The following EXT1 variants were observed in gnomAD, a reference collection of about 807,000 sequenced individuals.
EXT1 encodes exostosin glycosyltransferase 1, also known as exostosin-1.
EXT1 carries 20 observed loss-of-function variants against 82.5 expected under a neutral mutation model. The ratio of observed to expected loss-of-function variants is 0.24; its 90% CI spans 0.17 to 0.35. The LOEUF is 0.35. Ranked by LOEUF, EXT1 falls within the 10% of genes least tolerant of loss-of-function variation. The pLI, the probability that EXT1 is intolerant of heterozygous loss-of-function variation, is 1.00. For synonymous variants in EXT1, 348 were observed against 350.8 expected (o/e 0.99, Z 0.09); for missense variants, 757 against 936.5 (o/e 0.81, Z 2.50).
chr8:117,822,711 C>G, intron 4 of EXT1, 114 bp from the exon 5 acceptor site: 22 of 1,142,854 alleles, frequency 1.9e-5, no homozygotes, highest in Non-Finnish European at 2.9e-5. Flanking sequence ...ACTCTACCCT[C>G]CCTCCCACTT....
intron 1 of EXT1, among the ~76,000 whole-genome samples, chr8:117,888,365 G>A (rs1813185214): frequency 6.6e-6 from 1 of 152,166 alleles, no homozygotes; most frequent in Non-Finnish European, 1.5e-5. Flanking sequence ...CATGGTCCTT[G>A]TGGATGGAGA....
At chr8:117,868,670 G>A in intron 1 of EXT1, among the ~76,000 whole-genome samples, 1 of 151,990 alleles carries the variant, frequency 6.6e-6, no homozygotes, top group South Asian at 2.1e-4. Context: ...GGATGGTCTT[G>A]AGGTCCTGGG....
chr8:118,047,004 C>T (rs1370609428), intron 1 of EXT1, among the ~76,000 whole-genome samples: 1 of 152,156 alleles, frequency 6.6e-6, no homozygotes, highest in Non-Finnish European at 1.5e-5. Context: ...GGGGCAGGAA[C>T]TAAAGGAATG....
At chr8:117,919,455 G>T (rs995482272) in intron 1 of EXT1, among the ~76,000 whole-genome samples, 1 of 151,600 alleles carries the variant, frequency 6.6e-6, no homozygotes, top group Non-Finnish European at 1.5e-5. Context: ...CTCCCAAAAT[G>T]CAGGAATTAC....
At chr8:117,827,241 C>A (rs539524510) in intron 4 of EXT1, among the ~76,000 whole-genome samples, 17 of 151,976 alleles carry the variant, frequency 1.1e-4, no homozygotes, top group African/African-American at 3.1e-4. Context: ...GGGATTCCAT[C>A]CTAAAGAAAT....
chr8:117,827,964 T>C (rs1812034737), intron 4 of EXT1, among the ~76,000 whole-genome samples: 1 of 151,990 alleles, frequency 6.6e-6, no homozygotes, highest in East Asian at 1.9e-4. Context: ...ACAACTGGAA[T>C]CTACCCAAAT....
chr8:117,867,479 T>G (rs1458733981), intron 1 of EXT1, among the ~76,000 whole-genome samples: 1 of 152,136 alleles, frequency 6.6e-6, no homozygotes, highest in Non-Finnish European at 1.5e-5. Flanking sequence ...GTGGTTTGTG[T>G]GAACTGGCTA....
chr8:118,095,522 T>C (rs11562811), intron 1 of EXT1, among the ~76,000 whole-genome samples: 5,271 of 152,324 alleles, frequency 0.035, 125 homozygotes, highest in Non-Finnish European at 0.055. Context: ...AAGGTAGCTT[T>C]TTCAATGCAG....
At chr8:118,081,287 A>G (rs1252687255) in intron 1 of EXT1, among the ~76,000 whole-genome samples, 1 of 152,226 alleles carries the variant, frequency 6.6e-6, no homozygotes, top group Non-Finnish European at 1.5e-5. Context: ...TGTTTTCCAG[A>G]AAAAGAAACA....
At chr8:117,985,657 G>A (rs926177065) in intron 1 of EXT1, among the ~76,000 whole-genome samples, 14 of 149,674 alleles carry the variant, frequency 9.4e-5, no homozygotes, top group Non-Finnish European at 1.5e-5. Context: ...CAACAAAAAA[G>A]CTTAAAAAAA....
chr8:117,823,000 T>C (rs1050519918), intron 4 of EXT1, among the ~76,000 whole-genome samples: 1 of 152,140 alleles, frequency 6.6e-6, no homozygotes, highest in Non-Finnish European at 1.5e-5. Context: ...GAGAGGTCAA[T>C]GTAGACCTGT....
intron 1 of EXT1, among the ~76,000 whole-genome samples, chr8:117,977,686 T>C (rs1282448197): frequency 6.6e-6 from 1 of 152,172 alleles, no homozygotes; most frequent in Admixed American, 6.5e-5. Flanking sequence ...TGTCCCTCAG[T>C]TGGGTTGTGG....
At chr8:118,038,557 A>G (rs187209986) in intron 1 of EXT1, among the ~76,000 whole-genome samples, 4 of 152,282 alleles carry the variant, frequency 2.6e-5, no homozygotes, top group Non-Finnish European at 4.4e-5. Context: ...CCTACTGCCA[A>G]AGCTGTATCT....
chr8:117,816,003 A>AGT (rs899018697), intron 7 of EXT1, among the ~76,000 whole-genome samples: 6 of 150,986 alleles, frequency 4.0e-5, no homozygotes, highest in African/African-American at 7.3e-5. Flanking sequence ...ACTGTCTTGT[A>AGT]GTGTGTGTGT....
chr8:117,996,809 T>C (rs756748909), intron 1 of EXT1, among the ~76,000 whole-genome samples: 2 of 152,196 alleles, frequency 1.3e-5, no homozygotes, highest in East Asian at 1.9e-4. Flanking sequence ...AATGGCTCAT[T>C]GTAACACAAT....
chr8:117,814,483 C>G (rs1235275379), intron 7 of EXT1, among the ~76,000 whole-genome samples: 1 of 152,010 alleles, frequency 6.6e-6, no homozygotes, highest in African/African-American at 2.4e-5. Context: ...TTATAACAAC[C>G]CCATTTTACA....
chr8:118,041,837 A>T (rs1170182285), intron 1 of EXT1, among the ~76,000 whole-genome samples: 2 of 152,076 alleles, frequency 1.3e-5, no homozygotes, highest in Non-Finnish European at 2.9e-5. Context: ...AATCCCAGCT[A>T]CTTGGGAGGC....
At chr8:117,804,466 G>T (rs1030135309) in intron 10 of EXT1, among the ~76,000 whole-genome samples, 1 of 152,164 alleles carries the variant, frequency 6.6e-6, no homozygotes, top group Non-Finnish European at 1.5e-5. Context: ...AAACTCTAAA[G>T]ACATATCTTT....
intron 1 of EXT1, among the ~76,000 whole-genome samples, chr8:117,877,693 C>A (rs1812994624): frequency 6.6e-6 from 1 of 151,986 alleles, no homozygotes; most frequent in South Asian, 2.1e-4. Flanking sequence ...ATATAGCAGC[C>A]CCTCCCGCTT....
Sources: allele counts gnomAD v4.1 joint callset (sites outside exome capture counted in the v4.1 genomes callset), GRCh38; gene constraint gnomAD v4.1.1; transcripts MANE v1.5; gene names NCBI Gene and HGNC (gene_info 2026-07-23, HGNC 2026-07-21).